Variants in RAB15 observed in about 807,000 individuals in gnomAD.
RAB15 encodes the protein ras-related protein Rab-15.
Under a neutral mutation model 31.8 loss-of-function variants are expected in RAB15, and 13 were observed. The ratio of observed to expected loss-of-function variants is 0.41; its 90% CI spans 0.27 to 0.65. The LOEUF is 0.65. Ranked by LOEUF, RAB15 falls within the 30% of genes least tolerant of loss-of-function variation. The pLI, the probability that RAB15 is intolerant of heterozygous loss-of-function variation, is 0.32. For missense variants in RAB15, 220 were observed against 277.3 expected (o/e 0.79, Z 1.47); for synonymous variants, 100 against 105.6 (o/e 0.95, Z 0.33).
At chr14:64,956,302 C>T (rs896796611) in intron 1 of RAB15, among the ~76,000 whole-genome samples, 1 of 150,178 alleles carries the variant, frequency 6.7e-6, no homozygotes, top group Admixed American at 6.7e-5. Context: ...TACTCAGGAG[C>T]GGGTCTGGGG....
At chr14:64,957,337 A>C (rs1886632402) in intron 1 of RAB15, among the ~76,000 whole-genome samples, 1 of 151,806 alleles carries the variant, frequency 6.6e-6, no homozygotes, top group Admixed American at 6.6e-5. Context: ...TAGTCCTCTC[A>C]CTCCTACCTT....
At chr14:64,969,219 G>T (rs1480870597) in intron 1 of RAB15, among the ~76,000 whole-genome samples, 1 of 152,184 alleles carries the variant, frequency 6.6e-6, no homozygotes, top group East Asian at 1.9e-4. Flanking sequence ...CTCGGTCTCA[G>T]TGCAGAGCCT....
Position 64,951,693 on chromosome 14 carries a change from G to A in RAB15, c.186-30C>T. ...AGGAGAAAGCCAGTCCCTCAGAGGA[G>A]CAGGGACCATGGGAACAGACGGGGA... On this transcript the variant is annotated intron_variant, in intron 2 of 6. Transcript: ENST00000533601. This position sits in a 1 kb window ranked among gnomAD's most constrained non-coding sequence, Gnocchi z 7.2. 6.3e-7 allele frequency: 1 copy of A among 1,593,458 alleles called. No homozygotes were observed. Among genetic ancestry groups the A allele is most frequent in the Non-Finnish European group, 8.6e-7 (1 of 1,161,150 alleles).
rs1049859021 is a variant in RAB15 at position 64,955,653 on chromosome 14, T to A, written c.125-3082A>T. ...GCAGGATACCTTCTCCACTGTTTTATGGCCCAGATGAATGCCTTTCCTCTG... is the reference window on the plus strand; with the variant it reads ...GCAGGATACCTTCTCCACTGTTTTAAGGCCCAGATGAATGCCTTTCCTCTG... On this transcript the variant is annotated intron_variant, in intron 1 of 6. Coordinates refer to ENST00000533601, the MANE Select transcript of RAB15 (RefSeq NM_001308154.2). This position sits in a 1 kb window ranked among gnomAD's most constrained non-coding sequence, Gnocchi z 4.4. Among the ~76,000 whole-genome samples, 10 of 152,234 alleles carry A rather than the reference T, an allele frequency of 6.6e-5. No homozygotes were observed. The highest frequency in any genetic ancestry group is 4.4e-5 in the Non-Finnish European group (3 of 68,052).
rs960386377 is a variant in RAB15 at position 64,958,879 on chromosome 14, C to G, written c.125-6308G>C. On this transcript the variant is annotated intron_variant, in intron 1 of 6. Transcript: ENST00000533601. This position sits in a 1 kb window ranked among gnomAD's most constrained non-coding sequence, Gnocchi z 4.4. ...TGCCCATCATGGTGCCTGCCACACC[C>G]TGTGTCCCTTTCTGGCTAGAACAGC... 1.1e-4 allele frequency among the ~76,000 whole-genome samples: 17 copies of G among 152,220 alleles called. No individual in the cohort carries two copies. The highest frequency in any genetic ancestry group is 2.2e-4 in the Non-Finnish European group (15 of 68,042).
rs1887378156 is a variant in RAB15 at position 64,970,829 on chromosome 14, G to A, written c.124+1124C>T. Among the ~76,000 whole-genome samples, 1 of 152,162 alleles carries A rather than the reference G, an allele frequency of 6.6e-6. No individual in the cohort carries two copies. Among genetic ancestry groups the A allele is most frequent in the Non-Finnish European group, 1.5e-5 (1 of 68,024 alleles). ...ATAAAGCTGGCTTCTTAACCAGAAG[G>A]TTCTGTTCCTCCTGGCTGTATCTAT... On this transcript the variant is annotated intron_variant, in intron 1 of 6. Coordinates refer to ENST00000533601, the MANE Select transcript of RAB15 (RefSeq NM_001308154.2). The surrounding 1 kb of genome is among the most constrained non-coding windows in gnomAD (Gnocchi z 4.1).
intron 5 of RAB15, among the ~76,000 whole-genome samples, chr14:64,949,722 C>CA (rs200189142): frequency 0.1 from 8,615 of 84,944 alleles, 372 homozygotes; most frequent in Middle Eastern, 0.13. Context: ...GACTCCATCT[C>CA]AAAAAAAAAA....
intron 1 of RAB15, among the ~76,000 whole-genome samples, chr14:64,959,522 T>A (rs915802005): frequency 6.6e-6 from 1 of 152,124 alleles, no homozygotes; most frequent in African/African-American, 2.4e-5. Context: ...TGCCACATAG[T>A]GCCAGCATAG....
Position 64,948,657 on chromosome 14 carries a change from A to G in RAB15, c.480+11T>C. On this transcript the variant is annotated intron_variant, in intron 6 of 6. Transcript: ENST00000533601. The surrounding 1 kb of genome is among the most constrained non-coding windows in gnomAD (Gnocchi z 7.0). The stretch of plus-strand genomic sequence containing the variant: ...CCGAGAGAGCGGGCGCCTGGTCACC[A>G]GGGCTCTCACCTCTTTAATGTTGAG... The G allele has an allele frequency of 6.2e-7, 1 of 1,614,078 alleles. No individual in the cohort carries two copies. Among genetic ancestry groups the G allele is most frequent in the Non-Finnish European group, 8.5e-7 (1 of 1,179,980 alleles).
Position 64,951,277 on chromosome 14 carries a change from A to C in RAB15, c.247-126T>G, listed in dbSNP as rs1886234097. On this transcript the variant is annotated intron_variant, in intron 3 of 6. Transcript: ENST00000533601. The surrounding 1 kb of genome is among the most constrained non-coding windows in gnomAD (Gnocchi z 7.2). Reference sequence around the variant, plus strand: ...CATTCTCCCTGCTCAGCATCCAGAAATATCTCTTCTCTCAGACCCCACCAC... The same window carrying C: ...CATTCTCCCTGCTCAGCATCCAGAACTATCTCTTCTCTCAGACCCCACCAC... The C allele has an allele frequency of 1.3e-6, 1 of 777,942 alleles. No homozygotes were observed. Among genetic ancestry groups the C allele is most frequent in the Admixed American group, 2.4e-5 (1 of 41,786 alleles). The allele number at this position is 777,942 out of a possible 1,614,324, so 48.2% of individuals were successfully genotyped here.
chr14:64,965,883 C>T (rs553921092), intron 1 of RAB15, among the ~76,000 whole-genome samples: 34 of 152,056 alleles, frequency 2.2e-4, no homozygotes, highest in Non-Finnish European at 4.1e-4. Context: ...GGAAACCCTC[C>T]GCGGGCTTCA....
rs960121987 is a variant in RAB15 at position 64,950,556 on chromosome 14, C to G, written c.325-142G>C. The G allele has an allele frequency of 5.4e-6, 4 of 745,746 alleles. No individual in the cohort carries two copies. The highest frequency in any genetic ancestry group is 9.5e-6 in the Non-Finnish European group (4 of 423,210). The allele number at this position is 745,746 out of a possible 1,614,324, so 46.2% of individuals were successfully genotyped here. On this transcript the variant is annotated intron_variant, in intron 4 of 6. Coordinates refer to ENST00000533601, the MANE Select transcript of RAB15 (RefSeq NM_001308154.2). This position sits in a 1 kb window ranked among gnomAD's most constrained non-coding sequence, Gnocchi z 5.6. ...GGGCCGACTGGATGCAGGTGCCAGG[C>G]TCCCCCAAGTGCCATGGCTGACCTC...
intron 1 of RAB15, among the ~76,000 whole-genome samples, chr14:64,963,124 T>C (rs1188073558): frequency 1.0e-4 from 15 of 144,354 alleles, no homozygotes; most frequent in Non-Finnish European, 3.0e-5. Context: ...TTTTTTTTTT[T>C]TTTTTTTTTT....
chr14:64,960,123 G>A (rs993062136), intron 1 of RAB15, among the ~76,000 whole-genome samples: 3 of 152,198 alleles, frequency 2.0e-5, no homozygotes, highest in African/African-American at 4.8e-5. Context: ...ACTGGAGCCC[G>A]AGGGTGCTGG....
chr14:64,948,004 T>A lies in RAB15; in HGVS notation c.*350A>T. 4.0e-6 allele frequency: 1 copy of A among 248,978 alleles called. No individual in the cohort carries two copies. Among genetic ancestry groups the A allele is most frequent in the Non-Finnish European group, 7.6e-6 (1 of 130,762 alleles). 15.4% of individuals were successfully genotyped at this position (248,978 alleles called of 1,614,324 possible). On this transcript the variant is annotated 3_prime_UTR_variant, in exon 7 of 7. Coordinates refer to ENST00000533601, the MANE Select transcript of RAB15 (RefSeq NM_001308154.2). The surrounding 1 kb of genome is among the most constrained non-coding windows in gnomAD (Gnocchi z 7.0). ...GAGAAAAAGCAGAGAAGAGACACGA[T>A]GCACGGAGAAAGGAGCAGCTGAAAG...
rs907910720 is a variant in RAB15 at position 64,970,316 on chromosome 14, A to G, written c.124+1637T>C. On this transcript the variant is annotated intron_variant, in intron 1 of 6. Coordinates refer to ENST00000533601, the MANE Select transcript of RAB15 (RefSeq NM_001308154.2). This position sits in a 1 kb window ranked among gnomAD's most constrained non-coding sequence, Gnocchi z 4.1. ...ATCTGGTTCCTCTGCCACTTCCTCC[A>G]TCACGCCCATGCCTTTCTCCTGCAC... 6.6e-6 allele frequency among the ~76,000 whole-genome samples: 1 copy of G among 152,148 alleles called. No individual in the cohort carries two copies. Among genetic ancestry groups the G allele is most frequent in the Admixed American group, 6.5e-5 (1 of 15,276 alleles).
At chr14:64,961,436 A>G (rs1886852316) in intron 1 of RAB15, among the ~76,000 whole-genome samples, 1 of 152,170 alleles carries the variant, frequency 6.6e-6, no homozygotes, top group South Asian at 2.1e-4. Flanking sequence ...AGTGCTTTAG[A>G]CTAAGGTCCA....
chr14:64,960,750 G>A (rs1045691409), intron 1 of RAB15, among the ~76,000 whole-genome samples: 2 of 152,184 alleles, frequency 1.3e-5, no homozygotes, highest in African/African-American at 2.4e-5. Flanking sequence ...GGAATGGAAA[G>A]AGCTCTAGGA....
At position 64,950,955 on chromosome 14, in the gene RAB15, A is replaced by C. The variant is rs1449383133; in HGVS notation, c.324+119T>G. ...ATGTCTTACTCACCCAGAGGTCTTC[A>C]TCCAGGGCTGTGGAAGGCAAAGCTT... On this transcript the variant is annotated intron_variant, in intron 4 of 6. Coordinates refer to ENST00000533601, the MANE Select transcript of RAB15 (RefSeq NM_001308154.2). This position sits in a 1 kb window ranked among gnomAD's most constrained non-coding sequence, Gnocchi z 5.6. 5.0e-6 allele frequency: 8 copies of C among 1,612,972 alleles called. No homozygotes were observed. The highest frequency in any genetic ancestry group is 1.7e-5 in the Admixed American group (1 of 59,960).
Sources: allele counts gnomAD v4.1 joint callset (sites outside exome capture counted in the v4.1 genomes callset), GRCh38; gene constraint gnomAD v4.1.1; non-coding constraint Gnocchi (gnomAD v3.1); transcripts MANE v1.5; gene names NCBI Gene and HGNC (gene_info 2026-07-23, HGNC 2026-07-21).